The following MYT1L variants were observed in gnomAD, a reference collection of about 807,000 sequenced individuals.
The protein encoded by MYT1L is myelin transcription factor 1 like, also known as myelin transcription factor 1-like protein.
In MYT1L, 12 loss-of-function variants were observed where a neutral mutation model predicts 126.7. That is an observed-to-expected ratio of 0.09 (90% CI 0.06 to 0.15). MYT1L has a LOEUF of 0.15. Ranked by LOEUF, MYT1L falls within the 10% of genes least tolerant of loss-of-function variation. MYT1L has a pLI of 1.00. For missense variants in MYT1L, 979 were observed against 1,585.2 expected (o/e 0.62, Z 6.49); for synonymous variants, 541 against 604.2 (o/e 0.90, Z 1.53).
chr2:2,295,663 CAG>C lies in MYT1L; in HGVS notation c.-520-11162_-520-11161del, dbSNP rs377336266. ...AGAGAGAGATAGAGAGACAGACAGACAGAGAGAGAGAGAGAGACAGACAGAGA... is the reference window on the plus strand; with the variant it reads ...AGAGAGAGATAGAGAGACAGACAGACAGAGAGAGAGAGAGACAGACAGAGA... On this transcript the variant is annotated intron_variant, in intron 1 of 24. Transcript: ENST00000647738. 1.3e-3 allele frequency among the ~76,000 whole-genome samples: 42 copies of C among 32,156 alleles called. 2 individuals are homozygous for C. Among genetic ancestry groups the C allele is most frequent in the Admixed American group, 2.7e-3 (9 of 3,308 alleles). 21.1% of individuals were successfully genotyped at this position (32,156 alleles called of 152,430 possible).
chr2:2,180,736 G>T (rs1464771680), intron 2 of MYT1L, among the ~76,000 whole-genome samples: 1 of 151,028 alleles, frequency 6.6e-6, no homozygotes, highest in Admixed American at 6.6e-5. Context: ...CTGCATGTGT[G>T]CCTGTGTGTG....
chr2:1,966,774 T>TA (rs2059396107), intron 8 of MYT1L, among the ~76,000 whole-genome samples: 1 of 118,396 alleles, frequency 8.4e-6, no homozygotes, highest in African/African-American at 4.2e-5. Context: ...TAATGTTAAG[T>TA]GAAAAAAAAA....
intron 13 of MYT1L, among the ~76,000 whole-genome samples, chr2:1,906,298 CT>C (rs1314117882): frequency 6.6e-6 from 1 of 152,076 alleles, no homozygotes; most frequent in Non-Finnish European, 1.5e-5. Flanking sequence ...GTTTCTCAGG[CT>C]TTAAAAACAG....
intron 13 of MYT1L, among the ~76,000 whole-genome samples, chr2:1,906,800 G>A (rs1482506133): frequency 2.0e-5 from 3 of 151,988 alleles, no homozygotes; most frequent in Non-Finnish European, 4.4e-5. Flanking sequence ...GGGGCAGGCT[G>A]GGCATGGTGG....
chr2:2,271,506 C>A (rs1047545520), intron 2 of MYT1L, among the ~76,000 whole-genome samples: 1 of 152,190 alleles, frequency 6.6e-6, no homozygotes, highest in Non-Finnish European at 1.5e-5. Flanking sequence ...CTAGAGGGAA[C>A]AAACAGAGCC....
At chr2:2,169,786 C>T (rs922349392) in intron 3 of MYT1L, among the ~76,000 whole-genome samples, 2 of 152,156 alleles carry the variant, frequency 1.3e-5, no homozygotes, top group Non-Finnish European at 2.9e-5. Flanking sequence ...ACCGGCATCC[C>T]TCACCCTTCC....
At chr2:2,052,231 A>G (rs2068915407) in intron 4 of MYT1L, among the ~76,000 whole-genome samples, 1 of 152,204 alleles carries the variant, frequency 6.6e-6, no homozygotes, top group Non-Finnish European at 1.5e-5. Flanking sequence ...GTATACCCAC[A>G]TGCAAAAGAA....
At chr2:2,099,419 CT>C (rs1255598436) in intron 3 of MYT1L, among the ~76,000 whole-genome samples, 1 of 151,262 alleles carries the variant, frequency 6.6e-6, no homozygotes, top group Non-Finnish European at 1.5e-5. Flanking sequence ...ATAAAAGTTT[CT>C]GAAAGGCTCA....
chr2:2,173,577 T>G (rs1572128829), intron 2 of MYT1L, among the ~76,000 whole-genome samples: 2 of 152,350 alleles, frequency 1.3e-5, no homozygotes, highest in Middle Eastern at 6.8e-3. Context: ...TAGAAACCAT[T>G]GACTGTTTTA....
At chr2:2,213,164 A>G (rs1043938366) in intron 2 of MYT1L, among the ~76,000 whole-genome samples, 14 of 152,124 alleles carry the variant, frequency 9.2e-5, no homozygotes, top group Non-Finnish European at 4.4e-5. Flanking sequence ...ACAAATACAA[A>G]ACAATTGTTT....
intron 23 of MYT1L, among the ~76,000 whole-genome samples, chr2:1,794,159 G>T (rs570278170): frequency 6.6e-6 from 1 of 152,344 alleles, no homozygotes; most frequent in African/African-American, 2.4e-5. Context: ...AGCAGAGGGC[G>T]GCTCCTGCCC....
intron 2 of MYT1L, among the ~76,000 whole-genome samples, chr2:2,232,640 C>A (rs950021019): frequency 6.6e-6 from 1 of 152,238 alleles, no homozygotes; most frequent in African/African-American, 2.4e-5. Flanking sequence ...TCATTCATTT[C>A]TTCACACGAC....
chr2:2,260,404 A>G (rs577185479), intron 2 of MYT1L, among the ~76,000 whole-genome samples: 1 of 152,344 alleles, frequency 6.6e-6, no homozygotes, highest in African/African-American at 2.4e-5. Flanking sequence ...CTGTATCTCA[A>G]GTGAAAATGA....
intron 2 of MYT1L, among the ~76,000 whole-genome samples, chr2:2,279,681 C>CTTT (rs1335147443): frequency 6.6e-6 from 1 of 152,164 alleles, no homozygotes; most frequent in Non-Finnish European, 1.5e-5. Flanking sequence ...ATCAGTTCAG[C>CTTT]TTTTTACCTT....
chr2:1,900,400 T>C (rs58992683), intron 14 of MYT1L, among the ~76,000 whole-genome samples: 7,668 of 152,046 alleles, frequency 0.05, 297 homozygotes, highest in East Asian at 0.21. Flanking sequence ...CCCGGGTTCA[T>C]GCCATTCTCC....
At chr2:2,113,800 T>C (rs535958951) in intron 3 of MYT1L, among the ~76,000 whole-genome samples, 4 of 152,126 alleles carry the variant, frequency 2.6e-5, no homozygotes, top group Non-Finnish European at 4.4e-5. Context: ...TATGAAAATA[T>C]TACTGCCTCC....
intron 2 of MYT1L, among the ~76,000 whole-genome samples, chr2:2,205,618 G>T (rs186065147): frequency 6.6e-6 from 1 of 152,140 alleles, no homozygotes; most frequent in Non-Finnish European, 1.5e-5. Context: ...TCTCTCCACT[G>T]CTGCCAGTCT....
chr2:1,931,537 T>C (rs1455471967), intron 9 of MYT1L, among the ~76,000 whole-genome samples: 1 of 152,122 alleles, frequency 6.6e-6, no homozygotes, highest in East Asian at 1.9e-4. Flanking sequence ...CCACGTCTGC[T>C]GGGCCTTGCA....
intron 9 of MYT1L, among the ~76,000 whole-genome samples, chr2:1,941,115 C>G (rs933421758): frequency 6.6e-6 from 1 of 152,206 alleles, no homozygotes; most frequent in African/African-American, 2.4e-5. Flanking sequence ...TTCTGACTAC[C>G]TTTCAAAGTA....
Sources: allele counts gnomAD v4.1 joint callset (sites outside exome capture counted in the v4.1 genomes callset), GRCh38; gene constraint gnomAD v4.1.1; transcripts MANE v1.5; gene names NCBI Gene and HGNC (gene_info 2026-07-23, HGNC 2026-07-21).